The following SPATA17 variants were observed in gnomAD, a reference collection of about 807,000 sequenced individuals.
SPATA17 encodes the protein spermatogenesis-associated protein 17.
In SPATA17, 53 loss-of-function variants were observed where a neutral mutation model predicts 62.2. That is an observed-to-expected ratio of 0.85 (90% CI 0.68 to 1.07). The LOEUF (loss-of-function observed/expected upper bound fraction) is 1.07. Among genes scored for constraint, SPATA17 ranks in the 50% least tolerant of loss-of-function variants. The pLI, the probability that SPATA17 is intolerant of heterozygous loss-of-function variation, is 0.00. For synonymous variants in SPATA17, 146 were observed against 146.8 expected, an observed-to-expected ratio of 0.99 and a Z score of 0.04; for missense variants, 466 against 425.5, an observed-to-expected ratio of 1.10 and a Z score of -0.84.
At chr1:217,779,378 T>A (rs1363811605) in intron 7 of SPATA17, among the ~76,000 whole-genome samples, 1 of 151,888 alleles carries the variant, frequency 6.6e-6, no homozygotes, top group Non-Finnish European at 1.5e-5. Flanking sequence ...CTCTTTTTTA[T>A]TCTCTTCTCT....
intron 4 of SPATA17, among the ~76,000 whole-genome samples, chr1:217,677,885 A>G (rs116611953): frequency 0.017 from 2,629 of 152,252 alleles, 49 homozygotes; most frequent in Non-Finnish European, 0.021. Flanking sequence ...TATACGTCCT[A>G]TATGTGTGAA....
At chr1:217,694,472 G>T (rs1442936874) in intron 5 of SPATA17, among the ~76,000 whole-genome samples, 3 of 139,056 alleles carry the variant, frequency 2.2e-5, no homozygotes, top group Non-Finnish European at 4.7e-5. Flanking sequence ...TCTTTTAATT[G>T]GAGAATTTAG....
intron 6 of SPATA17, among the ~76,000 whole-genome samples, chr1:217,770,547 C>T (rs1433535743): frequency 1.3e-5 from 2 of 152,032 alleles, no homozygotes; most frequent in Non-Finnish European, 2.9e-5. Flanking sequence ...TAAAAGTACA[C>T]CTTGGTAACA....
In SPATA17 at chr1:217,720,203, C is replaced by T. The variant is rs78008045; in HGVS notation, c.396-21772C>T. Among the ~76,000 whole-genome samples, 1,243 of 152,162 alleles carry T rather than the reference C, an allele frequency of 8.2e-3. 10 individuals are homozygous for T. Among genetic ancestry groups the T allele is most frequent in the African/African-American group, 0.027 (1,114 of 41,504 alleles). On this transcript the variant is annotated intron_variant, in intron 5 of 10. Coordinates refer to ENST00000366933, the MANE Select transcript of SPATA17 (RefSeq NM_138796.4). ...AGGTAAAATGTTACAGATCCAGGTC[C>T]AGTTTTACCAAGTATAGCAAAAAAT... is the stretch of plus-strand genomic sequence containing the variant.
intron 9 of SPATA17, among the ~76,000 whole-genome samples, chr1:217,807,910 T>C (rs1441334068): frequency 1.3e-5 from 2 of 152,204 alleles, no homozygotes; most frequent in African/African-American, 4.8e-5. Flanking sequence ...TTAGTTGAGA[T>C]ACTTTCCTGA....
At chr1:217,716,342 T>A (rs1346817755) in intron 5 of SPATA17, among the ~76,000 whole-genome samples, 1 of 152,152 alleles carries the variant, frequency 6.6e-6, no homozygotes, top group Admixed American at 6.5e-5. Flanking sequence ...CACCTAAAAA[T>A]CAAAGCAGCA....
intron 5 of SPATA17, among the ~76,000 whole-genome samples, chr1:217,740,443 A>G (rs1672604029): frequency 6.6e-6 from 1 of 152,062 alleles, no homozygotes; most frequent in African/African-American, 2.4e-5. Flanking sequence ...AAAAGTTCTT[A>G]TTTAGTCATA....
Position 217,670,953 on chromosome 1 carries a change from G to GAA in SPATA17, c.291+1888_291+1889dup, listed in dbSNP as rs71661748. Among the ~76,000 whole-genome samples the GAA allele has an allele frequency of 1.1e-3, 96 of 87,102 alleles. 3 individuals carry two copies. The highest frequency in any genetic ancestry group is 8.1e-3 in the East Asian group (22 of 2,706). The allele number at this position is 87,102 out of a possible 152,430, so 57.1% of individuals were successfully genotyped here. On this transcript the variant is annotated intron_variant, in intron 4 of 10. Transcript: ENST00000366933. ...GTGACAGAGCAAGACTCCGTCTCAGGAAAAAAAAAAAAAAAAAAAGAAATC... is the reference window on the plus strand; with the variant it reads ...GTGACAGAGCAAGACTCCGTCTCAGGAAAAAAAAAAAAAAAAAAAAAGAAATC...
chr1:217,665,266 C>G (rs1670670380), intron 3 of SPATA17: 2 of 152,216 alleles, frequency 1.3e-5, no homozygotes, highest in Non-Finnish European at 2.9e-5. Context: ...CTATACATCT[C>G]TCTCTCTCCT....
At chr1:217,853,950 T>A (rs78616586) in intron 9 of SPATA17, among the ~76,000 whole-genome samples, 1 of 152,312 alleles carries the variant, frequency 6.6e-6, no homozygotes, top group East Asian at 1.9e-4. Context: ...AGGAGTTTAA[T>A]TGAGCAATGA....
chr1:217,668,803 T>A (rs982971013), intron 3 of SPATA17, among the ~76,000 whole-genome samples: 1 of 152,194 alleles, frequency 6.6e-6, no homozygotes, highest in East Asian at 1.9e-4. Context: ...CATTTTATGA[T>A]CATATATCTC....
At chr1:217,672,760 A>G (rs1445506456) in intron 4 of SPATA17, among the ~76,000 whole-genome samples, 1 of 152,016 alleles carries the variant, frequency 6.6e-6, no homozygotes, top group Non-Finnish European at 1.5e-5. Context: ...CCCCTGTAGA[A>G]TTTATCACTT....
At chr1:217,642,784 G>T (rs1369405905) in intron 1 of SPATA17, among the ~76,000 whole-genome samples, 2 of 152,120 alleles carry the variant, frequency 1.3e-5, no homozygotes, top group East Asian at 1.9e-4. Flanking sequence ...TTTCCTGAGG[G>T]CTCCCAGCCA....
At chr1:217,866,871 T>C (rs750806976) in intron 10 of SPATA17, 151 bp from the exon 11 acceptor site, 1 of 151,902 alleles carries the variant, frequency 6.6e-6, no homozygotes, top group Non-Finnish European at 1.5e-5. Context: ...TACTGTTTTG[T>C]TTTTAGAAAA....
At chr1:217,860,060 A>G (rs765973420) in intron 9 of SPATA17, among the ~76,000 whole-genome samples, 9 of 151,990 alleles carry the variant, frequency 5.9e-5, no homozygotes, top group Non-Finnish European at 8.8e-5. Flanking sequence ...TCCTCTAGGC[A>G]CTGCTTTTGC....
At chr1:217,844,998 CT>C (rs1675491817) in intron 9 of SPATA17, among the ~76,000 whole-genome samples, 2 of 151,904 alleles carry the variant, frequency 1.3e-5, no homozygotes. Context: ...AATTTTAATT[CT>C]TCTATTGTAA....
intron 1 of SPATA17, among the ~76,000 whole-genome samples, chr1:217,646,133 T>A (rs1670175607): frequency 6.6e-6 from 1 of 152,146 alleles, no homozygotes; most frequent in African/African-American, 2.4e-5. Context: ...CCTTTTGCCT[T>A]GGCTTCAACT....
At chr1:217,742,802 A>T (rs2102948735) in intron 6 of SPATA17, among the ~76,000 whole-genome samples, 1 of 151,960 alleles carries the variant, frequency 6.6e-6, no homozygotes, top group African/African-American at 2.4e-5. Context: ...CCGGGTTTTT[A>T]TTTTTTTCTC....
chr1:217,695,013 G>A (rs1462789578), intron 5 of SPATA17, among the ~76,000 whole-genome samples: 1 of 129,246 alleles, frequency 7.7e-6, no homozygotes, highest in Admixed American at 8.2e-5. Context: ...GGCGTTCTCT[G>A]TATTTCCTGA....
Sources: allele counts gnomAD v4.1 joint callset (sites outside exome capture counted in the v4.1 genomes callset), GRCh38; gene constraint gnomAD v4.1.1; transcripts MANE v1.5; gene names NCBI Gene and HGNC (gene_info 2026-07-23, HGNC 2026-07-21).